STX8: variants seen among roughly 807,000 people sequenced by gnomAD.
STX8 encodes syntaxin-8.
STX8 carries 23 observed loss-of-function variants against 37.5 expected under a neutral mutation model. The observed-to-expected ratio is 0.61, with a 90% CI of 0.44 to 0.87. STX8 has a LOEUF of 0.87. STX8 is among the 40% of genes least tolerant of loss of function. The pLI, the probability that STX8 is intolerant of heterozygous loss-of-function variation, is 0.00. For synonymous variants in STX8, 115 were observed against 99.1 expected (o/e 1.16, Z -0.95); for missense variants, 313 against 284.7 (o/e 1.10, Z -0.71).
chr17:9,316,005 A>C (rs1282600910), intron 7 of STX8, among the ~76,000 whole-genome samples: 1 of 147,976 alleles, frequency 6.8e-6, no homozygotes, highest in Non-Finnish European at 1.5e-5. Flanking sequence ...ATAGAGTGAG[A>C]CTCCATCTCC....
chr17:9,390,336 A>G (rs1468726811), intron 6 of STX8, among the ~76,000 whole-genome samples: 1 of 150,818 alleles, frequency 6.6e-6, no homozygotes, highest in East Asian at 2.0e-4. Flanking sequence ...AGCCTGACCA[A>G]TCTGATGAAA....
In STX8 at chr17:9,560,268, C is replaced by T. The variant is rs200944101; in HGVS notation, c.118-2740G>A. Reference sequence around the variant, plus strand: ...CAAAAATTAGCTGGGCATGGTGGTGCGCACCTGTAATCTCAGTTACTGGGG... The same window carrying T: ...CAAAAATTAGCTGGGCATGGTGGTGTGCACCTGTAATCTCAGTTACTGGGG... On this transcript the variant is annotated intron_variant, in intron 2 of 7. Transcript: ENST00000306357. Among the ~76,000 whole-genome samples the T allele has an allele frequency of 3.3e-4, 50 of 151,126 alleles. No individual in the cohort carries two copies. The East Asian group carries it at 3.8e-3, about 11-fold the overall frequency.
chr17:9,437,770 T>C (rs1474215281), intron 6 of STX8: 1 of 152,180 alleles, frequency 6.6e-6, no homozygotes, highest in Non-Finnish European at 1.5e-5. Context: ...TCTTTGTCAG[T>C]CAAAGAAATT....
intron 6 of STX8, among the ~76,000 whole-genome samples, chr17:9,402,990 C>T (rs1597650021): frequency 6.6e-6 from 1 of 152,158 alleles, no homozygotes; most frequent in East Asian, 1.9e-4. Context: ...GTGACTGCCT[C>T]GCCACAGCCC....
intron 1 of STX8, among the ~76,000 whole-genome samples, chr17:9,570,394 C>T (rs745343772): frequency 2.6e-5 from 4 of 151,866 alleles, no homozygotes; most frequent in Non-Finnish European, 5.9e-5. Flanking sequence ...TAAAGCAGCA[C>T]CATTCATGTA....
rs78660704 is a variant in STX8 at position 9,330,692 on chromosome 17, T to C, written c.643+47860A>G. On this transcript the variant is annotated intron_variant, in intron 7 of 7. Transcript: ENST00000306357. ...AGGGATGGCCCCTGGCAGAGCCTCG[T>C]TCGCACTCGCTCCTGCCTCCAGTTT... Among the ~76,000 whole-genome samples, 1,254 of 152,306 alleles carry C rather than the reference T, an allele frequency of 8.2e-3. 19 individuals are homozygous for C. The highest frequency in any genetic ancestry group is 0.029 in the African/African-American group (1,191 of 41,554).
chr17:9,573,252 G>C (rs1288502664), intron 1 of STX8, among the ~76,000 whole-genome samples: 1 of 152,004 alleles, frequency 6.6e-6, no homozygotes, highest in East Asian at 1.9e-4. Flanking sequence ...CAGCATTAAC[G>C]TCAATACAGA....
chr17:9,383,349 A>G (rs1469318783), intron 6 of STX8, among the ~76,000 whole-genome samples: 1 of 152,248 alleles, frequency 6.6e-6, no homozygotes, highest in Non-Finnish European at 1.5e-5. Context: ...TGTGAAATCA[A>G]TGATCAGACT....
chr17:9,394,384 ATT>A (rs111555086), intron 6 of STX8, among the ~76,000 whole-genome samples: 1 of 147,960 alleles, frequency 6.8e-6, no homozygotes, highest in Admixed American at 6.8e-5. Context: ...ATTTAAATTC[ATT>A]TTTTTTTTTG....
At chr17:9,489,983 C>A (rs1349701631) in intron 6 of STX8, among the ~76,000 whole-genome samples, 1 of 152,060 alleles carries the variant, frequency 6.6e-6, no homozygotes, top group Non-Finnish European at 1.5e-5. Flanking sequence ...CCACCGTGCC[C>A]GGCCTATAAA....
At chr17:9,392,952 G>T (rs1413858803) in intron 6 of STX8, among the ~76,000 whole-genome samples, 3 of 152,124 alleles carry the variant, frequency 2.0e-5, no homozygotes, top group Admixed American at 6.5e-5. Flanking sequence ...AATAATGGTT[G>T]AAAGTTTTCT....
At position 9,488,562 on chromosome 17, in the gene STX8, A is replaced by C. The variant is rs901588127; in HGVS notation, c.541+3267T>G. 3.3e-5 allele frequency among the ~76,000 whole-genome samples: 5 copies of C among 152,306 alleles called. No individual in the cohort carries two copies. In the South Asian group the frequency reaches 1.0e-3, roughly 32 times the overall value. On this transcript the variant is annotated intron_variant, in intron 6 of 7. Transcript: ENST00000306357. ...AAAGTAGAAGAGGGAGGCAGCAGTCAGAGGTACAAGTGATGCCATATGAGA... is the reference window on the plus strand; with the variant it reads ...AAAGTAGAAGAGGGAGGCAGCAGTCCGAGGTACAAGTGATGCCATATGAGA...
At chr17:9,525,728 T>G (rs1905541191) in intron 4 of STX8, among the ~76,000 whole-genome samples, 1 of 152,300 alleles carries the variant, frequency 6.6e-6, no homozygotes, top group East Asian at 1.9e-4. Context: ...CTATCATGTA[T>G]GGTCCAGAGT....
chr17:9,372,930 T>G lies in STX8; in HGVS notation c.643+5622A>C, dbSNP rs539792305. 1.1e-4 allele frequency among the ~76,000 whole-genome samples: 17 copies of G among 150,940 alleles called. 1 individual carries two copies. In the South Asian group the frequency reaches 3.6e-3, roughly 32 times the overall value. ...ACCAGCCTGACCAACATGGAGAAAC[T>G]CTGTCTTTAACAAAAATACAAAAAT... On this transcript the variant is annotated intron_variant, in intron 7 of 7. Transcript: ENST00000306357.
chr17:9,504,451 G>C (rs1356615658), intron 5 of STX8, among the ~76,000 whole-genome samples: 3 of 151,934 alleles, frequency 2.0e-5, no homozygotes, highest in Non-Finnish European at 2.9e-5. Flanking sequence ...CTAATTCCCA[G>C]TCGTGAAGCT....
At chr17:9,275,167 C>G (rs1433597279) in intron 7 of STX8, among the ~76,000 whole-genome samples, 1 of 152,156 alleles carries the variant, frequency 6.6e-6, no homozygotes, top group Non-Finnish European at 1.5e-5. Context: ...GATGACGCAA[C>G]CATCCTCTTG....
chr17:9,509,848 AAAAC>A (rs1857528075), intron 4 of STX8, among the ~76,000 whole-genome samples: 1 of 152,044 alleles, frequency 6.6e-6, no homozygotes, highest in African/African-American at 2.4e-5. Flanking sequence ...TAAAAAAAAA[AAAAC>A]AAGACTAGAC....
intron 7 of STX8, among the ~76,000 whole-genome samples, chr17:9,345,860 T>TTTTTTTTTTC (rs1910514826): frequency 7.8e-6 from 1 of 127,508 alleles, no homozygotes; most frequent in South Asian, 2.9e-4. Context: ...TTTTTTTTTT[T>TTTTTTTTTTC]TTTTTTTTGA....
intron 6 of STX8, among the ~76,000 whole-genome samples, chr17:9,422,858 T>C (rs1913492198): frequency 6.6e-6 from 1 of 152,256 alleles, no homozygotes; most frequent in Admixed American, 6.5e-5. Flanking sequence ...CTTGTATTAA[T>C]GATCACTGAA....
Sources: allele counts gnomAD v4.1 joint callset (sites outside exome capture counted in the v4.1 genomes callset), GRCh38; gene constraint gnomAD v4.1.1; transcripts MANE v1.5; gene names NCBI Gene and HGNC (gene_info 2026-07-23, HGNC 2026-07-21).